The following METTL25 variants were observed in gnomAD, a reference collection of about 807,000 sequenced individuals.
The protein encoded by METTL25 is probable methyltransferase-like protein 25.
Under a neutral mutation model 71.6 loss-of-function variants are expected in METTL25, and 64 were observed. The observed-to-expected ratio is 0.89, with a 90% CI of 0.73 to 1.10. METTL25 has a LOEUF of 1.10. Among genes scored for constraint, METTL25 ranks in the 50% least tolerant of loss-of-function variants. The probability of loss-of-function intolerance (pLI) is 0.00; values close to 1 mark genes in which losing one functional copy is unlikely to be tolerated. For missense variants in METTL25, 807 were observed against 707.0 expected (o/e 1.14, Z -1.60); for synonymous variants, 287 against 250.3 (o/e 1.15, Z -1.38).
chr12:82,423,194 A>T (rs1468657258), intron 5 of METTL25, among the ~76,000 whole-genome samples: 3 of 152,172 alleles, frequency 2.0e-5, no homozygotes, highest in Non-Finnish European at 4.4e-5. Flanking sequence ...CAAAACAGAG[A>T]TGTAGACCAA....
rs190880647 is a variant in METTL25 at position 82,403,213 on chromosome 12, T to C, written c.1279+83T>C. On this transcript the variant is annotated intron_variant, in intron 5 of 11. Transcript: ENST00000248306. ...TTTCTATTTTCTATTTCTCCCCGTT[T>C]TTTCGTCATTACCATGATTTGGATC... The C allele has an allele frequency of 1.9e-3, 2,503 of 1,335,018 alleles. 4 individuals carry two copies. Among genetic ancestry groups the C allele is most frequent in the Non-Finnish European group, 2.1e-3 (2,079 of 969,916 alleles). 82.7% of individuals were successfully genotyped at this position (1,335,018 alleles called of 1,614,324 possible). A position where few individuals can be genotyped will look rare whatever the true frequency, so the allele number is the denominator to read the frequency against.
intron 1 of METTL25, among the ~76,000 whole-genome samples, chr12:82,376,171 A>C (rs1314449778): frequency 6.6e-6 from 1 of 152,210 alleles, no homozygotes; most frequent in Non-Finnish European, 1.5e-5. Context: ...AAATTATTGA[A>C]TTTCCAATTA....
chr12:82,387,055 A>G (rs1304128836), intron 2 of METTL25, 88 bp downstream of exon 2: 3 of 1,081,912 alleles, frequency 2.8e-6, no homozygotes, highest in African/African-American at 3.2e-5. Flanking sequence ...CCAAAATATT[A>G]TTAATTTATT....
chr12:82,462,353 A>G (rs933410711), intron 9 of METTL25, among the ~76,000 whole-genome samples: 17 of 152,020 alleles, frequency 1.1e-4, no homozygotes, highest in African/African-American at 4.1e-4. Flanking sequence ...ATATTTCCCT[A>G]TTCCCCACTT....
At chr12:82,389,342 C>A (rs1310430340) in intron 2 of METTL25, among the ~76,000 whole-genome samples, 3 of 152,070 alleles carry the variant, frequency 2.0e-5, no homozygotes, top group Admixed American at 6.6e-5. Context: ...ATGTGGTTAG[C>A]AGCTACTATA....
chr12:82,478,500 T>C (rs938689560), intron 11 of METTL25, among the ~76,000 whole-genome samples: 1 of 151,728 alleles, frequency 6.6e-6, no homozygotes, highest in Admixed American at 6.6e-5. Flanking sequence ...TATATGGTTA[T>C]AACATATATA....
At chr12:82,424,546 AT>A (rs1247612153) in intron 5 of METTL25, among the ~76,000 whole-genome samples, 2,318 of 144,580 alleles carry the variant, frequency 0.016, 64 homozygotes, top group African/African-American at 0.06. Context: ...ATAAAACTAT[AT>A]ATATATATAT....
Position 82,466,636 on chromosome 12 carries a change from TG to T in METTL25, c.1572+9819del, listed in dbSNP as rs1892251057. 2.6e-5 allele frequency among the ~76,000 whole-genome samples: 4 copies of T among 152,086 alleles called. No homozygotes were observed. The South Asian group carries it at 8.3e-4, about 32-fold the overall frequency. ...GATCTAATGTGCAGTTTAAATCTAA[TG>T]GGTTTTTTCTGTTGATTATCTGTCT... is the stretch of plus-strand genomic sequence containing the variant. On this transcript the variant is annotated intron_variant, in intron 9 of 11. Coordinates refer to ENST00000248306, the MANE Select transcript of METTL25 (RefSeq NM_032230.3).
intron 7 of METTL25, among the ~76,000 whole-genome samples, chr12:82,437,616 G>A (rs1367002436): frequency 1.3e-5 from 2 of 151,656 alleles, no homozygotes; most frequent in Non-Finnish European, 3.0e-5. Context: ...AACTCCATCT[G>A]AATTAATTAA....
Position 82,476,703 on chromosome 12 carries a change from G to A in METTL25, c.1632G>A (p.Leu544=). ...YEKYKPRMNE[L]EAFNMLKVVL... Reference sequence around the variant, plus strand: ...AGTATAAGCCTCGAATGAATGAGCTGGAAGCTTTTAATATGGTAAATCTCA... The same window carrying A: ...AGTATAAGCCTCGAATGAATGAGCTAGAAGCTTTTAATATGGTAAATCTCA... Residue 544 remains leucine (L), a synonymous_variant, in exon 10 of 12, where the codon CTG becomes CTA. Coordinates refer to ENST00000248306, the MANE Select transcript of METTL25 (RefSeq NM_032230.3). 2 of 1,592,552 alleles carry A rather than the reference G, an allele frequency of 1.3e-6. No individual in the cohort carries two copies. Among genetic ancestry groups the A allele is most frequent in the Non-Finnish European group, 1.7e-6 (2 of 1,169,900 alleles).
Position 82,479,156 on chromosome 12 carries a change from G to T in METTL25, c.*132G>T. On this transcript the variant is annotated 3_prime_UTR_variant, in exon 12 of 12. Transcript: ENST00000248306. ...TATGTATTTTAAATAATAAAATAAT[G>T]GCTAACAACAGAAGGTTATAATCCA... is the stretch of plus-strand genomic sequence containing the variant. The T allele has an allele frequency of 3.4e-6, 2 of 591,746 alleles. No individual in the cohort carries two copies. Among genetic ancestry groups the T allele is most frequent in the Non-Finnish European group, 5.9e-6 (2 of 338,600 alleles). 36.7% of individuals were successfully genotyped at this position (591,746 alleles called of 1,614,324 possible).
chr12:82,471,741 A>G (rs1424943903), intron 9 of METTL25, among the ~76,000 whole-genome samples: 1 of 152,238 alleles, frequency 6.6e-6, no homozygotes, highest in African/African-American at 2.4e-5. Flanking sequence ...GAACTTATTT[A>G]AAAATACTAT....
At chr12:82,362,842 G>A (rs1882105528) in intron 1 of METTL25, among the ~76,000 whole-genome samples, 1 of 152,192 alleles carries the variant, frequency 6.6e-6, no homozygotes, top group Non-Finnish European at 1.5e-5. Flanking sequence ...AGATTCCCCT[G>A]CAGATAACAA....
Position 82,469,708 on chromosome 12 carries a change from A to G in METTL25, c.1573-6936A>G, listed in dbSNP as rs1459897428. ...CAAGTGCAAGCAGAAGATGATATCT[A>G]TATTATTGAGGTTAATCTTTATGTC... On this transcript the variant is annotated intron_variant, in intron 9 of 11. Transcript: ENST00000248306. Among the ~76,000 whole-genome samples, 5 of 151,926 alleles carry G rather than the reference A, an allele frequency of 3.3e-5. 1 individual carries two copies. Among genetic ancestry groups the G allele is most frequent in the African/African-American group, 9.6e-5 (4 of 41,476 alleles).
chr12:82,394,926 A>G (rs1885938562), intron 3 of METTL25, among the ~76,000 whole-genome samples: 1 of 151,852 alleles, frequency 6.6e-6, no homozygotes, highest in South Asian at 2.1e-4. Flanking sequence ...GGCCCTGAAC[A>G]TGCATACTTT....
chr12:82,369,282 G>C (rs1326500105), intron 1 of METTL25, among the ~76,000 whole-genome samples: 1 of 152,168 alleles, frequency 6.6e-6, no homozygotes, highest in Non-Finnish European at 1.5e-5. Flanking sequence ...TTAACTTCCA[G>C]TTTTCTTTAA....
At position 82,430,941 on chromosome 12, in the gene METTL25, A is replaced by T. The variant is rs1889436492; in HGVS notation, c.1328A>T (p.Glu443Val). The change falls in exon 6 of 12, where the codon GAA becomes GTA. Residue 443 changes from glutamate to valine, a missense_variant. Physicochemically the swap from Glu to Val is moderately radical, Grantham distance 121. Coordinates refer to ENST00000248306, the MANE Select transcript of METTL25 (RefSeq NM_032230.3). ...WGFPMCHYLK[E>V]ERWCCGRNAR... ...TTTCCAATGTGCCACTATTTAAAGG[A>T]AGAGAGATGGTGCTGTGGTCGTAAT... The T allele has an allele frequency of 1.2e-6, 2 of 1,602,928 alleles. No individual in the cohort carries two copies. The highest frequency in any genetic ancestry group is 2.7e-5 in the African/African-American group (2 of 74,350).
In METTL25 at chr12:82,403,123, G is replaced by A. The variant is rs1477787055; in HGVS notation, c.1272G>A (p.Gln424=). The change falls in exon 5 of 12, where the codon CAG becomes CAA. Residue 424 remains glutamine, a synonymous_variant. Transcript: ENST00000248306. ...YHLLSEEFEN[Q]HKERTQEKWG... The stretch of plus-strand genomic sequence containing the variant: ...TCTTATCTGAAGAATTTGAAAACCA[G>A]CATAAAGGTACAAGTTCCCCATGTG... 1 of 1,610,592 alleles carries A rather than the reference G, an allele frequency of 6.2e-7. No individual in the cohort carries two copies. Among genetic ancestry groups the A allele is most frequent in the Non-Finnish European group, 8.5e-7 (1 of 1,178,666 alleles).
chr12:82,444,045 A>G (rs1287064027), intron 8 of METTL25, among the ~76,000 whole-genome samples: 7 of 152,190 alleles, frequency 4.6e-5, no homozygotes, highest in Non-Finnish European at 2.9e-5. Context: ...GAAAACTTTT[A>G]AACTCAGAAA....
Sources: gnomAD v4.1 joint callset for allele counts (sites outside exome capture counted in the v4.1 genomes callset) on GRCh38, gnomAD v4.1.1 for gene constraint, MANE v1.5 for transcripts, NCBI Gene and HGNC (gene_info 2026-07-23, HGNC 2026-07-21) for gene names.